BYSL: variants seen among roughly 807,000 people sequenced by gnomAD.
BYSL encodes bystin like.
BYSL carries 21 observed loss-of-function variants against 45.4 expected under a neutral mutation model. The observed-to-expected ratio is 0.46, with a 90% CI of 0.33 to 0.67. The LOEUF (loss-of-function observed/expected upper bound fraction) is 0.67, where lower values mean the gene tolerates loss of function less well. BYSL is among the 30% of genes least tolerant of loss of function. The pLI is 0.02. For missense variants in BYSL, 522 were observed against 578.5 expected, an observed-to-expected ratio of 0.90 and a Z score of 1.00; for synonymous variants, 215 against 231.3, an observed-to-expected ratio of 0.93 and a Z score of 0.64.
At chr6:41,927,014 A>G (rs1775572954) in intron 1 of BYSL, among the ~76,000 whole-genome samples, 2 of 151,534 alleles carry the variant, frequency 1.3e-5, no homozygotes, top group African/African-American at 4.8e-5. Context: ...GAATGGCATG[A>G]ACCCGGGAGG....
the BYSL span, chr6:41,909,494 C>T: frequency 1.1e-5 from 18 of 1,614,090 alleles, no homozygotes; most frequent in African/African-American, 1.1e-4. Flanking sequence ...CTGAGTTGTG[C>T]ATCACATACA....
At chr6:41,916,378 G>A in the BYSL span, among the ~76,000 whole-genome samples, 9 of 152,140 alleles carry the variant, frequency 5.9e-5, no homozygotes, top group Non-Finnish European at 1.0e-4. Flanking sequence ...TCGGGAGTTC[G>A]AGATCAGCCT....
upstream of BYSL, among the ~76,000 whole-genome samples, chr6:41,918,904 G>A (rs1171388619): frequency 1.4e-5 from 2 of 142,592 alleles, no homozygotes; most frequent in East Asian, 2.0e-4. Context: ...CCGAGATTGC[G>A]CCACTGCAGT....
intron 1 of BYSL, among the ~76,000 whole-genome samples, chr6:41,924,064 TC>T (rs1775529469): frequency 6.7e-6 from 1 of 149,020 alleles, no homozygotes; most frequent in Non-Finnish European, 1.5e-5. Context: ...ATAGTACTTA[TC>T]TTTTTTTTTT....
chr6:41,928,829 C>G (rs1459193125), intron 2 of BYSL, among the ~76,000 whole-genome samples: 1 of 152,210 alleles, frequency 6.6e-6, no homozygotes, highest in African/African-American at 2.4e-5. Flanking sequence ...GTTCCCATGT[C>G]TGCATAAGTT....
chr6:41,926,659 C>T (rs150302075), intron 1 of BYSL, among the ~76,000 whole-genome samples: 3,681 of 151,130 alleles, frequency 0.024, 67 homozygotes, highest in Non-Finnish European at 0.04. Flanking sequence ...CCATGTTGAC[C>T]AGGGTGGTTT....
At chr6:41,916,431 T>C in the BYSL span, among the ~76,000 whole-genome samples, 3 of 151,676 alleles carry the variant, frequency 2.0e-5, no homozygotes, top group Admixed American at 2.0e-4. Flanking sequence ...AATACAAAAT[T>C]AGCCGGGCTT....
chr6:41,913,612 AT>A, the BYSL span, among the ~76,000 whole-genome samples: 1 of 152,230 alleles, frequency 6.6e-6, no homozygotes, highest in African/African-American at 2.4e-5. Flanking sequence ...TAAATATTAC[AT>A]GACAGGCTGG....
At chr6:41,919,662 G>A (rs1775408282), upstream of BYSL, among the ~76,000 whole-genome samples, 1 of 152,122 alleles carries the variant, frequency 6.6e-6, no homozygotes. Context: ...GGGCACGGTG[G>A]CTCATGTCTA....
chr6:41,914,227 G>T, the BYSL span, among the ~76,000 whole-genome samples: 1 of 152,218 alleles, frequency 6.6e-6, no homozygotes, highest in East Asian at 1.9e-4. Context: ...GGGCTGCCTA[G>T]CAGAAGCTAG....
chr6:41,910,214 G>C, the BYSL span, among the ~76,000 whole-genome samples: 2 of 152,220 alleles, frequency 1.3e-5, no homozygotes, highest in Non-Finnish European at 2.9e-5. Context: ...ATCTGGATCA[G>C]AAGATCAACT....
At position 41,931,575 on chromosome 6, in the gene BYSL, G is replaced by A. The variant is rs371256575; in HGVS notation, c.865+19G>A. On this transcript the variant is annotated intron_variant, in intron 5 of 6. Transcript: ENST00000230340. ...TTCAAAGGTGGGATCCCAGAGGCAC[G>A]GAAGAAAGGGAAGGGCTGGAGCTTC... 9 of 1,613,960 alleles carry A rather than the reference G, an allele frequency of 5.6e-6. No individual in the cohort carries two copies. In the Admixed American group the frequency reaches 8.3e-5, roughly 15 times the overall value.
intron 3 of BYSL, 39 bp downstream of exon 3, chr6:41,930,309 T>G (rs1448281763): frequency 3.8e-6 from 6 of 1,593,126 alleles, no homozygotes; most frequent in Non-Finnish European, 1.7e-6. Flanking sequence ...AAGACCCCTT[T>G]GGGGGCTGTG....
chr6:41,916,032 A>G, the BYSL span, among the ~76,000 whole-genome samples: 1 of 152,012 alleles, frequency 6.6e-6, no homozygotes, highest in Non-Finnish European at 1.5e-5. Flanking sequence ...TAATCCCTTG[A>G]GGCCAGGAAT....
At chr6:41,923,805 G>A (rs1561943238) in intron 1 of BYSL, among the ~76,000 whole-genome samples, 1 of 152,152 alleles carries the variant, frequency 6.6e-6, no homozygotes, top group East Asian at 1.9e-4. Flanking sequence ...TATATGATCT[G>A]CCTCCTTTGC....
At chr6:41,908,937 C>T in the BYSL span, 1 of 370,386 alleles carries the variant, frequency 2.7e-6, no homozygotes, top group East Asian at 4.1e-5. Context: ...AACCCCAGCA[C>T]TTTGGGGGGC....
At position 41,930,691 on chromosome 6, in the gene BYSL, A is replaced by G; in HGVS notation, c.627A>G (p.Ala209=). Residue 209 remains alanine (A), a synonymous_variant, in exon 4 of 7, where the codon GCA becomes GCG. Coordinates refer to ENST00000230340, the MANE Select transcript of BYSL (RefSeq NM_004053.4). The part of the protein sequence containing the change: ...KLPKAFKIIP[A]LSNWEQILYV... ...CCAAGGCATTTAAGATCATCCCTGCACTCTCCAACTGGGAGCAAATCCTCT... is the reference window on the plus strand; with the variant it reads ...CCAAGGCATTTAAGATCATCCCTGCGCTCTCCAACTGGGAGCAAATCCTCT... 1.2e-6 allele frequency: 2 copies of G among 1,614,062 alleles called. No individual in the cohort carries two copies. Among genetic ancestry groups the G allele is most frequent in the South Asian group, 2.2e-5 (2 of 91,074 alleles).
chr6:41,926,737 C>T (rs1462379668), intron 1 of BYSL, among the ~76,000 whole-genome samples: 1 of 150,732 alleles, frequency 6.6e-6, no homozygotes, highest in African/African-American at 2.4e-5. Context: ...GCGTGAGCCA[C>T]CGTGCCCGGC....
the BYSL span, among the ~76,000 whole-genome samples, chr6:41,911,557 T>G: frequency 1.3e-5 from 2 of 151,992 alleles, no homozygotes; most frequent in Admixed American, 6.6e-5. Flanking sequence ...TAGGAAAAGA[T>G]TAAAATGAAC....
Sources: gnomAD v4.1 joint callset for allele counts (sites outside exome capture counted in the v4.1 genomes callset) on GRCh38, gnomAD v4.1.1 for gene constraint, MANE v1.5 for transcripts, NCBI Gene and HGNC (gene_info 2026-07-23, HGNC 2026-07-21) for gene names.